The following EGFR variants were observed in gnomAD, a reference collection of about 807,000 sequenced individuals.
EGFR encodes epidermal growth factor receptor.
In EGFR, 58 loss-of-function variants were observed where a neutral mutation model predicts 143.0. That is an observed-to-expected ratio of 0.41 (90% CI 0.33 to 0.50). The LOEUF (loss-of-function observed/expected upper bound fraction) is 0.50, where lower values mean the gene tolerates loss of function less well. EGFR is among the 20% of genes least tolerant of loss of function. The pLI is 0.39. For synonymous variants in EGFR, 613 were observed against 594.4 expected (o/e 1.03, Z -0.45); for missense variants, 1,307 against 1,579.0 (o/e 0.83, Z 2.92).
intron 13 of EGFR, 150 bp downstream of exon 13, chr7:55,161,781 G>C: frequency 7.4e-7 from 1 of 1,342,810 alleles, no homozygotes; most frequent in Non-Finnish European, 1.0e-6. Context: ...GTGGGGAGAC[G>C]GGAAGTTGTT....
chr7:55,099,265 G>A (rs1022860041), intron 1 of EGFR, among the ~76,000 whole-genome samples: 2 of 152,208 alleles, frequency 1.3e-5, no homozygotes, highest in African/African-American at 4.8e-5. Context: ...TTACACAGAA[G>A]TTTCAGATTA....
At chr7:55,127,123 G>A (rs1331866284) in intron 1 of EGFR, among the ~76,000 whole-genome samples, 1 of 152,184 alleles carries the variant, frequency 6.6e-6, no homozygotes, top group Non-Finnish European at 1.5e-5. Flanking sequence ...GACATTTTGG[G>A]TTTTGTATTT....
intron 23 of EGFR, among the ~76,000 whole-genome samples, chr7:55,199,864 T>G (rs1285011326): frequency 6.6e-6 from 1 of 152,042 alleles, no homozygotes; most frequent in Non-Finnish European, 1.5e-5. Flanking sequence ...ACGCCGGGGG[T>G]AGGGGCCCAG....
chr7:55,042,507 C>T (rs1374958052), intron 1 of EGFR, among the ~76,000 whole-genome samples: 1 of 152,112 alleles, frequency 6.6e-6, no homozygotes, highest in Non-Finnish European at 1.5e-5. Context: ...CTTTTTTACA[C>T]TTGGTACATG....
chr7:55,171,886 C>A (rs2128951762), intron 16 of EGFR, among the ~76,000 whole-genome samples: 1 of 152,346 alleles, frequency 6.6e-6, no homozygotes. Flanking sequence ...GCCCCTCTGC[C>A]ATCTCTGGTA....
intron 1 of EGFR, among the ~76,000 whole-genome samples, chr7:55,071,980 G>T (rs1305501604): frequency 6.6e-6 from 1 of 152,164 alleles, no homozygotes; most frequent in African/African-American, 2.4e-5. Context: ...CTTGGATTGG[G>T]TCAGAGAGTA....
chr7:55,174,093 G>T, intron 18 of EGFR, 50 bp downstream of exon 18: 1 of 1,612,878 alleles, frequency 6.2e-7, no homozygotes, highest in East Asian at 2.2e-5. Flanking sequence ...GCCTCTCATG[G>T]TCTGGTGGGG....
At chr7:55,201,634 T>C (rs1485986162) in intron 25 of EGFR, 101 bp from the exon 26 acceptor site, 13 of 1,458,540 alleles carry the variant, frequency 8.9e-6, no homozygotes, top group Non-Finnish European at 1.2e-5. Flanking sequence ...ATTAAACACC[T>C]TCACAATATA....
At chr7:55,173,483 A>G (rs1425855476) in intron 17 of EGFR, among the ~76,000 whole-genome samples, 1 of 152,222 alleles carries the variant, frequency 6.6e-6, no homozygotes, top group African/African-American at 2.4e-5. Context: ...TTGTCCACAC[A>G]GTGGCTTTGT....
intron 1 of EGFR, among the ~76,000 whole-genome samples, chr7:55,097,813 C>G (rs1053488141): frequency 2.0e-5 from 3 of 151,122 alleles, no homozygotes; most frequent in Non-Finnish European, 4.4e-5. Flanking sequence ...AGGATGATCC[C>G]ATTTGTCAAA....
In EGFR at chr7:55,168,119, C is replaced by G. The variant is rs568145291; in HGVS notation, c.1880+2682C>G. On this transcript the variant is annotated intron_variant, in intron 15 of 27. Coordinates refer to ENST00000275493, the MANE Select transcript of EGFR (RefSeq NM_005228.5). Reference sequence around the variant, plus strand: ...TTTCGCCTTTGGGTATACCAACATGCCAGCTCTGTTGGCCACTTTGTGAGC... The same window carrying G: ...TTTCGCCTTTGGGTATACCAACATGGCAGCTCTGTTGGCCACTTTGTGAGC... Among the ~76,000 whole-genome samples the G allele has an allele frequency of 1.6e-4, 25 of 152,262 alleles. No homozygotes were observed. The East Asian group carries it at 4.4e-3, about 27-fold the overall frequency.
intron 19 of EGFR, among the ~76,000 whole-genome samples, chr7:55,177,812 C>G (rs1011444353): frequency 7.2e-5 from 11 of 152,224 alleles, no homozygotes; most frequent in Non-Finnish European, 2.9e-5. Flanking sequence ...TGGGGCTCCA[C>G]GAAGATTGTT....
intron 20 of EGFR, among the ~76,000 whole-genome samples, chr7:55,184,191 A>G (rs1460886011): frequency 6.6e-6 from 1 of 152,192 alleles, no homozygotes; most frequent in Non-Finnish European, 1.5e-5. Context: ...GCCCCTTCGC[A>G]TCGCCCACCA....
chr7:55,102,273 T>C (rs1791878309), intron 1 of EGFR, among the ~76,000 whole-genome samples: 1 of 152,102 alleles, frequency 6.6e-6, no homozygotes, highest in Non-Finnish European at 1.5e-5. Context: ...CATTTCCAAA[T>C]TCCTCTCCCC....
At chr7:55,197,753 G>A (rs1488263396) in intron 22 of EGFR, among the ~76,000 whole-genome samples, 5 of 152,178 alleles carry the variant, frequency 3.3e-5, no homozygotes, top group Non-Finnish European at 7.4e-5. Context: ...CTATTGAGAT[G>A]ATCATGTGGC....
At chr7:55,093,428 C>T (rs968072932) in intron 1 of EGFR, among the ~76,000 whole-genome samples, 7 of 152,304 alleles carry the variant, frequency 4.6e-5, no homozygotes, top group Non-Finnish European at 8.8e-5. Context: ...AAATCAGTAT[C>T]GTAGAGTGAG....
chr7:55,035,136 C>A (rs995089677), intron 1 of EGFR, among the ~76,000 whole-genome samples: 2 of 152,086 alleles, frequency 1.3e-5, no homozygotes, highest in African/African-American at 4.8e-5. Flanking sequence ...TTTAAATATT[C>A]ACTTTAGGAT....
At chr7:55,029,435 C>T (rs1450231763) in intron 1 of EGFR, among the ~76,000 whole-genome samples, 2 of 152,040 alleles carry the variant, frequency 1.3e-5, no homozygotes, top group Non-Finnish European at 2.9e-5. Context: ...TCTTCCCTTC[C>T]TTCTTTCTCT....
intron 1 of EGFR, among the ~76,000 whole-genome samples, chr7:55,047,770 A>G (rs1383898497): frequency 6.6e-6 from 1 of 152,178 alleles, no homozygotes; most frequent in Non-Finnish European, 1.5e-5. Flanking sequence ...ACAAACAAAC[A>G]AAAAAACACT....
Sources: allele counts gnomAD v4.1 joint callset (sites outside exome capture counted in the v4.1 genomes callset), GRCh38; gene constraint gnomAD v4.1.1; transcripts MANE v1.5; gene names NCBI Gene and HGNC (gene_info 2026-07-23, HGNC 2026-07-21).